UNC13C: variants seen among roughly 807,000 people sequenced by gnomAD.
The protein encoded by UNC13C is protein unc-13 homolog C.
In UNC13C, 174 loss-of-function variants were observed where a neutral mutation model predicts 245.4. The ratio of observed to expected loss-of-function variants is 0.71; its 90% CI spans 0.63 to 0.80. The LOEUF (loss-of-function observed/expected upper bound fraction) is 0.80, where lower values mean the gene tolerates loss of function less well. Among genes scored for constraint, UNC13C ranks in the 30% least tolerant of loss-of-function variants. The pLI is 0.00. For synonymous variants in UNC13C, 992 were observed against 895.1 expected, an observed-to-expected ratio of 1.11 and a Z score of -1.93; for missense variants, 2,829 against 2,602.9, an observed-to-expected ratio of 1.09 and a Z score of -1.89.
rs190852895 is a variant in UNC13C, at chr15:54,050,840, T to A, written c.2983+34954T>A. On this transcript the variant is annotated intron_variant, in intron 2 of 32. Transcript: ENST00000260323. Reference sequence around the variant, plus strand: ...GCCTACACAGCTTACTAATTCTTGATGCTTTGGTTCTCTTAAAAGAGATAT... The same window carrying A: ...GCCTACACAGCTTACTAATTCTTGAAGCTTTGGTTCTCTTAAAAGAGATAT... The A allele has an allele frequency of 1.8e-4, 102 of 579,212 alleles. 2 individuals are homozygous for A. Among genetic ancestry groups the A allele is most frequent in the South Asian group, 1.4e-3 (101 of 72,854 alleles). 35.9% of individuals were successfully genotyped at this position (579,212 alleles called of 1,614,324 possible). A position where few individuals can be genotyped will look rare whatever the true frequency, so the allele number is the denominator to read the frequency against.
intron 17 of UNC13C, among the ~76,000 whole-genome samples, chr15:54,381,834 A>G (rs924055970): frequency 6.6e-6 from 1 of 152,182 alleles, no homozygotes; most frequent in African/African-American, 2.4e-5. Context: ...TACTCTCAGC[A>G]TTAAACAGAT....
At chr15:54,279,387 A>G (rs1455866846) in intron 10 of UNC13C, among the ~76,000 whole-genome samples, 1 of 152,188 alleles carries the variant, frequency 6.6e-6, no homozygotes, top group African/African-American at 2.4e-5. Context: ...GATTAGTACA[A>G]TCTTCTTTGT....
intron 14 of UNC13C, among the ~76,000 whole-genome samples, chr15:54,327,707 G>A (rs2038334551): frequency 6.6e-6 from 1 of 151,976 alleles, no homozygotes; most frequent in Non-Finnish European, 1.5e-5. Flanking sequence ...TTGATCAATG[G>A]GATGTAACCA....
At chr15:53,854,781 C>A in the UNC13C span, among the ~76,000 whole-genome samples, 3 of 152,130 alleles carry the variant, frequency 2.0e-5, no homozygotes, top group East Asian at 1.9e-4. Flanking sequence ...TATTTGGGCT[C>A]TTTTTTTGTT....
chr15:54,038,124 A>ATTTTTTTTTTTTTTTTTTTTTT (rs58063301), intron 2 of UNC13C, among the ~76,000 whole-genome samples: 5 of 45,034 alleles, frequency 1.1e-4, no homozygotes, highest in Non-Finnish European at 1.4e-4. Context: ...ATATATATAT[A>ATTTTTTTTTTTTTTTTTTTTTT]TTTTTTTTTT....
chr15:53,843,787 G>A, the UNC13C span, among the ~76,000 whole-genome samples: 1 of 152,142 alleles, frequency 6.6e-6, no homozygotes, highest in Admixed American at 6.6e-5. Flanking sequence ...ATACTAAAAA[G>A]TTTCCCTTGA....
chr15:54,545,200 C>T (rs535969683), intron 26 of UNC13C, among the ~76,000 whole-genome samples: 23 of 152,188 alleles, frequency 1.5e-4, no homozygotes, highest in African/African-American at 4.6e-4. Flanking sequence ...AATGGGGAAA[C>T]GATTCCCTAT....
chr15:53,856,058 A>AT, the UNC13C span, among the ~76,000 whole-genome samples: 1 of 151,664 alleles, frequency 6.6e-6, no homozygotes, highest in Non-Finnish European at 1.5e-5. Flanking sequence ...TTTTTTCTAG[A>AT]TTTTCTAGTT....
chr15:54,065,137 G>C (rs538029215), intron 2 of UNC13C, among the ~76,000 whole-genome samples: 2 of 152,118 alleles, frequency 1.3e-5, no homozygotes, highest in African/African-American at 4.8e-5. Flanking sequence ...ATCTGACTAC[G>C]CAGGAGCTCA....
intron 16 of UNC13C, 97 bp from the exon 17 acceptor site, chr15:54,338,264 G>A (rs2038641206): frequency 3.7e-6 from 5 of 1,336,484 alleles, no homozygotes; most frequent in East Asian, 4.7e-5. Flanking sequence ...TAGAAAAATC[G>A]ACTGAAAGTA....
In UNC13C at chr15:54,097,712, T is replaced by A. The variant is rs143365126; in HGVS notation, c.2984-45306T>A. Among the ~76,000 whole-genome samples, 123 of 152,336 alleles carry A rather than the reference T, an allele frequency of 8.1e-4. 4 individuals carry two copies. The South Asian group carries it at 0.015, about 18-fold the overall frequency. The stretch of plus-strand genomic sequence containing the variant: ...GTAGTAATTCATCCATTTGTTCACC[T>A]GTCCATCTCTCTTGGTCTGCAAAGG... On this transcript the variant is annotated intron_variant, in intron 2 of 32. Coordinates refer to ENST00000260323, the MANE Select transcript of UNC13C (RefSeq NM_001080534.3).
chr15:54,226,025 G>A (rs1219739845), intron 4 of UNC13C, among the ~76,000 whole-genome samples: 1 of 152,160 alleles, frequency 6.6e-6, no homozygotes, highest in Non-Finnish European at 1.5e-5. Flanking sequence ...AAGAGATGTT[G>A]AATTTGATTG....
chr15:54,188,108 G>C (rs898581811), intron 4 of UNC13C, among the ~76,000 whole-genome samples: 9 of 152,056 alleles, frequency 5.9e-5, no homozygotes, highest in African/African-American at 2.2e-4. Context: ...ATGAGCCTTC[G>C]AGCCCGGCCA....
At chr15:54,527,854 C>T (rs889357972) in intron 25 of UNC13C, among the ~76,000 whole-genome samples, 2 of 152,106 alleles carry the variant, frequency 1.3e-5, no homozygotes, top group African/African-American at 2.4e-5. Context: ...TTATTATATC[C>T]TTGTTGCTAT....
the UNC13C span, among the ~76,000 whole-genome samples, chr15:53,895,809 T>C: frequency 2.0e-5 from 3 of 152,158 alleles, no homozygotes; most frequent in African/African-American, 7.2e-5. Flanking sequence ...TTGCTGTTCT[T>C]TGAGCATTGA....
intron 17 of UNC13C, among the ~76,000 whole-genome samples, chr15:54,377,392 C>T (rs1051034103): frequency 2.0e-5 from 3 of 152,332 alleles, no homozygotes; most frequent in Admixed American, 2.0e-4. Context: ...ACCCTCCACA[C>T]TTGTTAGGTG....
intron 10 of UNC13C, among the ~76,000 whole-genome samples, chr15:54,290,069 A>G (rs2037257050): frequency 1.3e-5 from 2 of 152,086 alleles, no homozygotes; most frequent in Admixed American, 6.6e-5. Context: ...TTTCAAACCC[A>G]TCACAACACC....
chr15:54,632,412 CA>C (rs1901471635), downstream of UNC13C: 1 of 152,124 alleles, frequency 6.6e-6, no homozygotes, highest in African/African-American at 2.4e-5. Flanking sequence ...TTGCCTCACT[CA>C]AGGCCAAAAA....
In UNC13C at chr15:53,980,545, A is replaced by G. The variant is rs1169797510; in HGVS notation, c.-257+1618A>G. Among the ~76,000 whole-genome samples the G allele has an allele frequency of 2.0e-5, 3 of 152,312 alleles. No homozygotes were observed. The East Asian group carries it at 5.8e-4, about 29-fold the overall frequency. On this transcript the variant is annotated intron_variant, in intron 1 of 32. Transcript: ENST00000260323. ...ATCTAAAAGAATATTTGAAACTCTA[A>G]TTTACAAAATTGTATTTTCAAACTA...
Sources: allele counts gnomAD v4.1 joint callset (sites outside exome capture counted in the v4.1 genomes callset), GRCh38; gene constraint gnomAD v4.1.1; transcripts MANE v1.5; gene names NCBI Gene and HGNC (gene_info 2026-07-23, HGNC 2026-07-21).